The following SNX13 variants were observed in gnomAD, a reference collection of about 807,000 sequenced individuals.
SNX13 encodes the protein sorting nexin-13.
Under a neutral mutation model 133.6 loss-of-function variants are expected in SNX13, and 45 were observed. That is an observed-to-expected ratio of 0.34 (90% confidence interval 0.27 to 0.43). SNX13 has a LOEUF of 0.43. Ranked by LOEUF, SNX13 falls within the 20% of genes least tolerant of loss-of-function variation. The probability of loss-of-function intolerance (pLI) is 1.00; values close to 1 mark genes in which losing one functional copy is unlikely to be tolerated. For missense variants in SNX13, 1,032 were observed against 1,145.1 expected (o/e 0.90, Z 1.43); for synonymous variants, 414 against 373.9 (o/e 1.11, Z -1.24).
intron 5 of SNX13, among the ~76,000 whole-genome samples, chr7:17,886,168 A>G (rs1420621781): frequency 6.6e-6 from 1 of 152,138 alleles, no homozygotes; most frequent in African/African-American, 2.4e-5. Context: ...ATTCCCTGTG[A>G]TACTATATCA....
intron 1 of SNX13, among the ~76,000 whole-genome samples, chr7:17,933,823 C>T (rs1425928384): frequency 6.7e-6 from 1 of 149,010 alleles, no homozygotes; most frequent in African/African-American, 2.5e-5. Context: ...ACCCGATGTA[C>T]TACCACTATT....
rs966812328 is a variant in SNX13, at chr7:17,839,678, G to C, written c.1359+129C>G. On this transcript the variant is annotated intron_variant, in intron 13 of 25. Coordinates refer to ENST00000428135, the MANE Select transcript of SNX13 (RefSeq NM_015132.5). Reference sequence around the variant, plus strand: ...CTTCACTTAAACGAGGATACAGACAGACAGGAAGATTGTTATCGATTAAAG... The same window carrying C: ...CTTCACTTAAACGAGGATACAGACACACAGGAAGATTGTTATCGATTAAAG... The C allele has an allele frequency of 1.5e-5, 10 of 685,714 alleles. No homozygotes were observed. In the East Asian group the frequency reaches 3.1e-4, roughly 21 times the overall value. The allele number at this position is 685,714 out of a possible 1,614,324, so 42.5% of individuals were successfully genotyped here.
At chr7:17,888,854 T>C (rs549675506) in intron 5 of SNX13, 1 of 391,216 alleles carries the variant, frequency 2.6e-6, no homozygotes, top group Non-Finnish European at 5.1e-6. Context: ...AAACCAAGGT[T>C]CAGAGTTTAA....
chr7:17,881,086 C>T (rs1795281767), intron 5 of SNX13: 1 of 152,060 alleles, frequency 6.6e-6, no homozygotes, highest in Non-Finnish European at 1.5e-5. Context: ...GCTTTTTCCA[C>T]AGAAAACAAT....
At chr7:17,847,465 C>T (rs753818682) in intron 11 of SNX13, among the ~76,000 whole-genome samples, 48 of 152,010 alleles carry the variant, frequency 3.2e-4, no homozygotes, top group Admixed American at 5.9e-4. Flanking sequence ...CCGAGTAGCT[C>T]GGATTACAGG....
chr7:17,898,528 C>CAT (rs1487351057), intron 1 of SNX13, among the ~76,000 whole-genome samples: 2 of 152,190 alleles, frequency 1.3e-5, no homozygotes, highest in Non-Finnish European at 2.9e-5. Flanking sequence ...AGGGATAAAA[C>CAT]ATACCCCCAT....
intron 15 of SNX13, chr7:17,831,424 A>C (rs778637575): frequency 4.6e-5 from 41 of 890,650 alleles, no homozygotes; most frequent in Admixed American, 1.9e-4. Context: ...GAAAGTAATA[A>C]TGAATAAAGA....
chr7:17,819,272 G>T (rs1471156133), intron 18 of SNX13, among the ~76,000 whole-genome samples: 2 of 151,860 alleles, frequency 1.3e-5, no homozygotes, highest in Admixed American at 1.3e-4. Context: ...TATGGAACAG[G>T]GTCTCACTCT....
At chr7:17,923,735 G>C (rs1482170521) in intron 1 of SNX13, among the ~76,000 whole-genome samples, 1 of 152,178 alleles carries the variant, frequency 6.6e-6, no homozygotes, top group Non-Finnish European at 1.5e-5. Context: ...TCTTCTCGGA[G>C]TTGTGGCTAA....
At chr7:17,894,104 A>G (rs1001882131) in intron 2 of SNX13, among the ~76,000 whole-genome samples, 11 of 151,936 alleles carry the variant, frequency 7.2e-5, no homozygotes, top group Admixed American at 2.0e-4. Context: ...GGAGATCGAG[A>G]CCACCCTGAC....
chr7:17,805,474 T>C (rs1217488969), intron 20 of SNX13, among the ~76,000 whole-genome samples: 2 of 152,150 alleles, frequency 1.3e-5, no homozygotes, highest in African/African-American at 4.8e-5. Context: ...ATTTAAAATG[T>C]GCAGCTTGGG....
Position 17,796,664 on chromosome 7 carries a change from T to A in SNX13, c.2626+163A>T, listed in dbSNP as rs1784085207. ...AGCTTTACAGTACTGTCATGAGGAC[T>A]GATTAAGAACATATGAGAAATGCCT... On this transcript the variant is annotated intron_variant, in intron 25 of 25. Transcript: ENST00000428135. 4 of 597,982 alleles carry A rather than the reference T, an allele frequency of 6.7e-6. No individual in the cohort carries two copies. In the African/African-American group the frequency reaches 7.5e-5, roughly 11 times the overall value. 37.0% of individuals were successfully genotyped at this position (597,982 alleles called of 1,614,324 possible).
intron 21 of SNX13, among the ~76,000 whole-genome samples, chr7:17,802,574 T>G (rs1357349771): frequency 6.6e-6 from 1 of 152,144 alleles, no homozygotes; most frequent in Non-Finnish European, 1.5e-5. Context: ...GAAGTGCGAC[T>G]GAACAATACT....
chr7:17,839,157 TA>T lies in SNX13; in HGVS notation c.1359+649del, dbSNP rs927201828. Among the ~76,000 whole-genome samples, 19 of 149,384 alleles carry T rather than the reference TA, an allele frequency of 1.3e-4. 1 individual carries two copies. The highest frequency in any genetic ancestry group is 4.6e-4 in the African/African-American group (19 of 41,040). On this transcript the variant is annotated intron_variant, in intron 13 of 25. Transcript: ENST00000428135. ...AAATAATCTATACAATCATATTACA[TA>T]AAATATATTCTATAGACGCTATAGA...
At chr7:17,934,581 C>A (rs1460332325) in intron 1 of SNX13, among the ~76,000 whole-genome samples, 2 of 152,176 alleles carry the variant, frequency 1.3e-5, no homozygotes, top group Non-Finnish European at 2.9e-5. Flanking sequence ...AGAGGTATAT[C>A]TACCAGAGCT....
chr7:17,811,378 G>T (rs1198617283), intron 20 of SNX13, among the ~76,000 whole-genome samples: 1 of 152,142 alleles, frequency 6.6e-6, no homozygotes, highest in Non-Finnish European at 1.5e-5. Flanking sequence ...GCCAAATCAT[G>T]AGTGAACTCC....
intron 1 of SNX13, among the ~76,000 whole-genome samples, chr7:17,914,205 GAAA>G (rs35093211): frequency 1.4e-5 from 2 of 144,030 alleles, no homozygotes; most frequent in South Asian, 2.2e-4. Context: ...GGAAATGGGA[GAAA>G]AAAAAAAAGA....
chr7:17,849,924 T>C (rs1791009242), intron 11 of SNX13, among the ~76,000 whole-genome samples: 1 of 152,240 alleles, frequency 6.6e-6, no homozygotes, highest in Non-Finnish European at 1.5e-5. Flanking sequence ...TTGCAGTAGA[T>C]ATCACCACCT....
chr7:17,890,867 A>C (rs1796548710), intron 4 of SNX13, among the ~76,000 whole-genome samples: 1 of 151,952 alleles, frequency 6.6e-6, no homozygotes, highest in Non-Finnish European at 1.5e-5. Flanking sequence ...AGAGACTATA[A>C]TTCCACAAAA....
Sources: allele counts gnomAD v4.1 joint callset (sites outside exome capture counted in the v4.1 genomes callset), GRCh38; gene constraint gnomAD v4.1.1; transcripts MANE v1.5; gene names NCBI Gene and HGNC (gene_info 2026-07-23, HGNC 2026-07-21).